FRY: variants seen among roughly 807,000 people sequenced by gnomAD.
FRY encodes the protein FRY microtubule binding protein, also known as protein furry homolog.
FRY carries 128 observed loss-of-function variants against 348.4 expected under a neutral mutation model. The ratio of observed to expected loss-of-function variants is 0.37; its 90% CI spans 0.32 to 0.43. The LOEUF (loss-of-function observed/expected upper bound fraction) is 0.43, where lower values mean the gene tolerates loss of function less well. FRY is among the 20% of genes least tolerant of loss of function. The probability of loss-of-function intolerance (pLI) is 1.00; values close to 1 mark genes in which losing one functional copy is unlikely to be tolerated. For missense variants in FRY, 2,736 were observed against 3,695.2 expected, an observed-to-expected ratio of 0.74 and a Z score of 6.73; for synonymous variants, 1,370 against 1,374.7, an observed-to-expected ratio of 1.00 and a Z score of 0.08.
At position 32,078,994 on chromosome 13, in the gene FRY, G is replaced by T; in HGVS notation, c.231G>T (p.Gln77His). ...GTTTATTTGTCAACTTCACCACTCA[G>T]GCTGAACGCAAGATTCGTATCATTA... is the stretch of plus-strand genomic sequence containing the variant. ...LKSLFVNFTT[Q>H]AERKIRIIMA... Residue 77 changes from glutamine to histidine, a missense_variant, in exon 2 of 61, where the codon CAG (glutamine) becomes CAT (histidine). Gln to His is a conservative substitution (Grantham distance 24). Coordinates refer to ENST00000542859, the MANE Select transcript of FRY (RefSeq NM_023037.3). 6.2e-7 allele frequency: 1 copy of T among 1,614,010 alleles called. No homozygotes were observed. Among genetic ancestry groups the T allele is most frequent in the Non-Finnish European group, 8.5e-7 (1 of 1,179,896 alleles).
intron 1 of FRY, among the ~76,000 whole-genome samples, chr13:32,032,271 T>G (rs1872279311): frequency 6.6e-6 from 1 of 152,230 alleles, no homozygotes; most frequent in Admixed American, 6.5e-5. Flanking sequence ...TTGTGAAGTG[T>G]GATTTAATCA....
chr13:32,267,077 C>T (rs757508712), intron 54 of FRY, 93 bp from the exon 55 acceptor site: 27 of 1,138,994 alleles, frequency 2.4e-5, no homozygotes, highest in Non-Finnish European at 2.4e-5. Flanking sequence ...ATAGCTACCT[C>T]ATTTTGCTGA....
intron 47 of FRY, 128 bp from the exon 48 acceptor site, chr13:32,247,195 G>C: frequency 1.4e-6 from 1 of 723,120 alleles, no homozygotes; most frequent in Non-Finnish European, 2.4e-6. Context: ...ACTTCTCATG[G>C]AACCTGCTGC....
At chr13:32,258,787 A>G (rs888965742) in intron 51 of FRY, among the ~76,000 whole-genome samples, 1 of 149,808 alleles carries the variant, frequency 6.7e-6, no homozygotes, top group Non-Finnish European at 1.5e-5. Context: ...TACTAATAAT[A>G]TTTATACCCA....
Position 32,185,132 on chromosome 13 carries a change from G to A in FRY, c.3303G>A (p.Leu1101=). 1 of 1,613,924 alleles carries A rather than the reference G, an allele frequency of 6.2e-7. No individual in the cohort carries two copies. The highest frequency in any genetic ancestry group is 8.5e-7 in the Non-Finnish European group (1 of 1,179,812). The part of the protein sequence containing the change: ...RAHFSAMVAN[L]IQCVPVHHRR... The stretch of plus-strand genomic sequence containing the variant: ...ATTTTAGTGCAATGGTGGCCAACTT[G>A]ATTCAGTGTGTTCCAGGTACGGTGA... The change falls in exon 26 of 61, where the codon TTG becomes TTA. Residue 1101 remains leucine (L), a synonymous_variant. Transcript: ENST00000542859.
intron 2 of FRY, among the ~76,000 whole-genome samples, chr13:32,100,598 A>C (rs1258181522): frequency 6.6e-6 from 1 of 152,196 alleles, no homozygotes; most frequent in Non-Finnish European, 1.5e-5. Context: ...CTATCACATT[A>C]CGTAAATTTT....
chr13:32,124,431 C>G, intron 5 of FRY, 55 bp downstream of exon 5: 1 of 1,051,578 alleles, frequency 9.5e-7, no homozygotes, highest in Non-Finnish European at 1.4e-6. Context: ...CTAAAAACTA[C>G]TTAGGTTGTA....
chr13:32,173,001 A>T (rs1207761618), intron 18 of FRY, among the ~76,000 whole-genome samples: 19 of 152,276 alleles, frequency 1.2e-4, no homozygotes. Flanking sequence ...AATAGTATCC[A>T]AAAGTCTATG....
intron 19 of FRY, 113 bp downstream of exon 19, chr13:32,173,662 G>A: frequency 1.2e-6 from 1 of 814,524 alleles, no homozygotes; most frequent in Non-Finnish European, 2.1e-6. Flanking sequence ...GTTACATGTA[G>A]TGTTTCATTC....
chr13:32,199,882 A>T (rs1159749769), intron 29 of FRY, among the ~76,000 whole-genome samples: 1 of 152,216 alleles, frequency 6.6e-6, no homozygotes, highest in African/African-American at 2.4e-5. Context: ...TGCCTATAAC[A>T]GAATGCCTGG....
intron 28 of FRY, among the ~76,000 whole-genome samples, chr13:32,192,102 G>A (rs1364815855): frequency 6.6e-6 from 1 of 152,056 alleles, no homozygotes; most frequent in East Asian, 1.9e-4. Flanking sequence ...CAGTGGTGCT[G>A]GTAATATTCT....
At chr13:32,135,335 G>A (rs1879642269) in intron 10 of FRY, 152 bp downstream of exon 10, 1 of 669,510 alleles carries the variant, frequency 1.5e-6, no homozygotes, top group Non-Finnish European at 2.7e-6. Context: ...ACTGAAGCTG[G>A]CTTTTTGTAT....
chr13:32,092,488 C>T (rs1026364760), intron 2 of FRY, among the ~76,000 whole-genome samples: 3 of 152,148 alleles, frequency 2.0e-5, no homozygotes, highest in Admixed American at 6.5e-5. Flanking sequence ...TGGCTTTCCT[C>T]GGCCCTTCTT....
chr13:32,150,710 A>G (rs1372038828), intron 14 of FRY, among the ~76,000 whole-genome samples: 1 of 152,190 alleles, frequency 6.6e-6, no homozygotes, highest in Non-Finnish European at 1.5e-5. Context: ...AAATACATAG[A>G]GAGTTCCTGT....
At chr13:32,234,910 T>C in intron 42 of FRY, 149 bp downstream of exon 42, 1 of 669,170 alleles carries the variant, frequency 1.5e-6, no homozygotes. Flanking sequence ...AGGTTGACTT[T>C]TATATTTACA....
At position 32,290,126 on chromosome 13, in the gene FRY, G is replaced by A. The variant is rs1156811001; in HGVS notation, c.8580+383G>A. On this transcript the variant is annotated intron_variant, in intron 59 of 60. Transcript: ENST00000542859. Reference sequence around the variant, plus strand: ...TTTTCATACTTGCCTTTGCCTTGAGGTAAGAAGGAAATGTCTGTATGATGT... The same window carrying A: ...TTTTCATACTTGCCTTTGCCTTGAGATAAGAAGGAAATGTCTGTATGATGT... Among the ~76,000 whole-genome samples, 8 of 152,088 alleles carry A rather than the reference G, an allele frequency of 5.3e-5. No homozygotes were observed. In the East Asian group the frequency reaches 1.5e-3, roughly 29 times the overall value.
intron 29 of FRY, among the ~76,000 whole-genome samples, chr13:32,201,253 G>A (rs989171322): frequency 7.9e-5 from 12 of 152,072 alleles, no homozygotes; most frequent in Admixed American, 2.0e-4. Flanking sequence ...TACCCCTTCC[G>A]TGACCTGGCT....
chr13:32,174,458 A>G (rs1243755943), intron 19 of FRY, among the ~76,000 whole-genome samples: 1 of 152,226 alleles, frequency 6.6e-6, no homozygotes, highest in East Asian at 1.9e-4. Context: ...TGTATGTGTC[A>G]GGTAGTGTGC....
chr13:32,230,458 A>G (rs984258629), intron 40 of FRY, among the ~76,000 whole-genome samples: 4 of 152,210 alleles, frequency 2.6e-5, no homozygotes, highest in African/African-American at 9.7e-5. Context: ...CTAAGGTGAT[A>G]GCCTCTAGCT....
Sources: allele counts gnomAD v4.1 joint callset (sites outside exome capture counted in the v4.1 genomes callset), GRCh38; gene constraint gnomAD v4.1.1; transcripts MANE v1.5; gene names NCBI Gene and HGNC (gene_info 2026-07-23, HGNC 2026-07-21).